PIK3R6: variants seen among roughly 807,000 people sequenced by gnomAD.
PIK3R6 encodes phosphoinositide-3-kinase regulatory subunit 6.
Under a neutral mutation model 84.9 loss-of-function variants are expected in PIK3R6, and 91 were observed. The ratio of observed to expected loss-of-function variants is 1.07; its 90% CI spans 0.90 to 1.28. PIK3R6 has a LOEUF of 1.28. Among genes scored for constraint, PIK3R6 ranks in the 50% most tolerant of loss-of-function variants. PIK3R6 has a pLI of 0.00. For synonymous variants in PIK3R6, 416 were observed against 411.4 expected, an observed-to-expected ratio of 1.01 and a Z score of -0.13; for missense variants, 996 against 985.1, an observed-to-expected ratio of 1.01 and a Z score of -0.15.
chr17:8,860,917 C>T (rs1415482953), intron 1 of PIK3R6, among the ~76,000 whole-genome samples: 4 of 24,464 alleles, frequency 1.6e-4, no homozygotes, highest in African/African-American at 5.7e-4. Context: ...AAAGCAGACA[C>T]GGGCCGGGCA....
At chr17:8,840,691 TA>T (rs1271491013) in intron 2 of PIK3R6, among the ~76,000 whole-genome samples, 3 of 148,492 alleles carry the variant, frequency 2.0e-5, no homozygotes, top group East Asian at 2.0e-4. Flanking sequence ...AATATATATA[TA>T]AAAAACTATT....
chr17:8,829,664 A>C, intron 10 of PIK3R6, 42 bp downstream of exon 10: 2 of 1,525,044 alleles, frequency 1.3e-6, no homozygotes, highest in Non-Finnish European at 1.8e-6. Flanking sequence ...ACACAGACAC[A>C]GACATATACC....
Position 8,827,264 on chromosome 17 carries a change from C to T in PIK3R6, c.1423G>A (p.Gly475Arg). 6.4e-7 allele frequency: 1 copy of T among 1,567,934 alleles called. No homozygotes were observed. Among genetic ancestry groups the T allele is most frequent in the Non-Finnish European group, 8.6e-7 (1 of 1,156,750 alleles). ...KPAASRQPEL[G>R]ELATFLGRVD... Reference sequence around the variant, plus strand: ...CGGCCCAGGAACGTAGCCAGCTCTCCCAGCTCCGGCTGCCTGGATGCTGCA... The same window carrying T: ...CGGCCCAGGAACGTAGCCAGCTCTCTCAGCTCCGGCTGCCTGGATGCTGCA... The change falls in exon 13 of 20, where the codon GGA (glycine) becomes AGA (arginine). Residue 475 changes from glycine (G) to arginine (R), a missense_variant. Transcript: ENST00000619866.
At chr17:8,865,595 A>T (rs111587853) in intron 1 of PIK3R6, among the ~76,000 whole-genome samples, 6,693 of 148,540 alleles carry the variant, frequency 0.045, 472 homozygotes, top group African/African-American at 0.15. Context: ...GGCTTGCCAG[A>T]CGTCATAGCT....
chr17:8,803,166 G>A lies in PIK3R6; in HGVS notation c.*107C>T. 6.8e-7 allele frequency: 1 copy of A among 1,469,916 alleles called. No homozygotes were observed. The highest frequency in any genetic ancestry group is 9.3e-7 in the Non-Finnish European group (1 of 1,073,640). 91.1% of individuals were successfully genotyped at this position (1,469,916 alleles called of 1,614,324 possible). A position where few individuals can be genotyped will look rare whatever the true frequency, so the allele number is the denominator to read the frequency against. ...CAGGCACTCGCTGGCTCCTGGTCAAGGCCAAAGCTGCCGTGTGGAGCCGGG... is the reference window on the plus strand; with the variant it reads ...CAGGCACTCGCTGGCTCCTGGTCAAAGCCAAAGCTGCCGTGTGGAGCCGGG... On this transcript the variant is annotated 3_prime_UTR_variant, in exon 20 of 20. Coordinates refer to ENST00000619866, the MANE Select transcript of PIK3R6 (RefSeq NM_001010855.4). The surrounding 1 kb of genome is among the most constrained non-coding windows in gnomAD (Gnocchi z 5.0).
chr17:8,827,235 T>C lies in PIK3R6; in HGVS notation c.1452A>G (p.Val484=). 1.3e-6 allele frequency: 2 copies of C among 1,598,092 alleles called. No homozygotes were observed. The highest frequency in any genetic ancestry group is 1.7e-6 in the Non-Finnish European group (2 of 1,172,576). ...LGELATFLGR[V]DPWYQSNVNT... is the part of the protein sequence containing the mutation. ...TGACGTTGCTCTGGTACCACGGGTCTACGCGGCCCAGGAACGTAGCCAGCT... is the reference window on the plus strand; with the variant it reads ...TGACGTTGCTCTGGTACCACGGGTCCACGCGGCCCAGGAACGTAGCCAGCT... The change falls in exon 13 of 20, where the codon GTA becomes GTG. Residue 484 remains valine (V), a synonymous_variant. Coordinates refer to ENST00000619866, the MANE Select transcript of PIK3R6 (RefSeq NM_001010855.4).
In PIK3R6 at chr17:8,821,105, GT is replaced by G. The variant is rs76101544; in HGVS notation, c.1879+740del. On this transcript the variant is annotated intron_variant, in intron 17 of 19. Transcript: ENST00000619866. Reference sequence around the variant, plus strand: ...TAATTCTGCCTGGGTGAACTTACTTGTTTGCTCCAAAATGATCTTCTACAAG... The same window carrying G: ...TAATTCTGCCTGGGTGAACTTACTTGTTGCTCCAAAATGATCTTCTACAAG... 2.3e-3 allele frequency among the ~76,000 whole-genome samples: 355 copies of G among 152,306 alleles called. 4 individuals carry two copies. The East Asian group carries it at 0.038, about 16-fold the overall frequency.
chr17:8,840,361 T>A (rs984382503), intron 2 of PIK3R6, among the ~76,000 whole-genome samples: 19 of 138,842 alleles, frequency 1.4e-4, no homozygotes, highest in African/African-American at 5.0e-4. Context: ...CCTCCAAATA[T>A]GTATATGAAA....
At chr17:8,804,348 C>G (rs899032452) in intron 18 of PIK3R6, among the ~76,000 whole-genome samples, 195 bp from the exon 19 acceptor site, 2 of 152,184 alleles carry the variant, frequency 1.3e-5, no homozygotes, top group Non-Finnish European at 2.9e-5. Flanking sequence ...GATCTCACAT[C>G]GTTCTTCCAG....
At chr17:8,858,351 T>C (rs1446578193) in intron 1 of PIK3R6, among the ~76,000 whole-genome samples, 1 of 149,066 alleles carries the variant, frequency 6.7e-6, no homozygotes, top group Non-Finnish European at 1.5e-5. Flanking sequence ...AGTTTTGCTC[T>C]TGTCGCCCAG....
rs1447472145 is a variant in PIK3R6 at position 8,803,357 on chromosome 17, A to G, written c.2181T>C (p.His727=). 1.2e-6 allele frequency: 2 copies of G among 1,613,570 alleles called. No homozygotes were observed. The highest frequency in any genetic ancestry group is 2.7e-5 in the African/African-American group (2 of 74,908). The stretch of plus-strand genomic sequence containing the variant: ...TGATTGCTTCCACCTCCTGTTGCCC[A>G]TGCAAATTGAGCCACGGTGCCTTGG... The part of the protein sequence containing the change: ...QKSKAPWLNL[H]GQQEVEAIKA... The change falls in exon 20 of 20, where the codon CAT becomes CAC. Residue 727 remains histidine (H), a synonymous_variant. Coordinates refer to ENST00000619866, the MANE Select transcript of PIK3R6 (RefSeq NM_001010855.4). This position sits in a 1 kb window ranked among gnomAD's most constrained non-coding sequence, Gnocchi z 5.0.
At chr17:8,856,640 G>A (rs562094104) in intron 1 of PIK3R6, among the ~76,000 whole-genome samples, 3 of 152,050 alleles carry the variant, frequency 2.0e-5, no homozygotes, top group South Asian at 2.1e-4. Flanking sequence ...TGTTGATGTC[G>A]ATACATTTTA....
At chr17:8,850,101 C>T (rs143116901) in intron 1 of PIK3R6, among the ~76,000 whole-genome samples, 1,948 of 152,084 alleles carry the variant, frequency 0.013, 44 homozygotes, top group African/African-American at 0.043. Flanking sequence ...GTCAGGAGTT[C>T]GAGACCAGCC....
intron 17 of PIK3R6, among the ~76,000 whole-genome samples, 167 bp from the exon 18 acceptor site, chr17:8,819,365 T>A (rs1722941772): frequency 6.6e-6 from 1 of 152,110 alleles, no homozygotes; most frequent in South Asian, 2.1e-4. Context: ...TTACGTTTCC[T>A]TCTCAATCAT....
chr17:8,855,171 T>C (rs368067372), intron 1 of PIK3R6, among the ~76,000 whole-genome samples: 10 of 150,390 alleles, frequency 6.6e-5, no homozygotes, highest in African/African-American at 2.2e-4. Flanking sequence ...CTAGCCTGGG[T>C]GACAGAGCGA....
At chr17:8,804,175 T>G in intron 18 of PIK3R6, 22 bp from the exon 19 acceptor site, 1 of 1,593,122 alleles carries the variant, frequency 6.3e-7, no homozygotes, top group Non-Finnish European at 8.6e-7. Context: ...AGATCGCACG[T>G]GTGAGTGTTG....
Position 8,836,787 on chromosome 17 carries a change from T to C in PIK3R6, c.391+4A>G, listed in dbSNP as rs2088481429. The C allele has an allele frequency of 1.9e-6, 3 of 1,610,594 alleles. No individual in the cohort carries two copies. The East Asian group carries it at 6.7e-5, about 36-fold the overall frequency. ...GGGAGACAAAGATGCCCAGTGACTC[T>C]TACCTGGGACAGCCATCTCCGTTTT... On this transcript the variant is annotated splice_donor_region_variant and intron_variant, in intron 6 of 19. Transcript: ENST00000619866.
rs540817596 is a variant in PIK3R6, at chr17:8,842,545, G to A, written c.14-2848C>T. Reference sequence around the variant, plus strand: ...AAATAAATCCTTGAACTTGGTGTCTGCTTCTTGGCAGATCCAGACTCAGAC... The same window carrying A: ...AAATAAATCCTTGAACTTGGTGTCTACTTCTTGGCAGATCCAGACTCAGAC... On this transcript the variant is annotated intron_variant, in intron 2 of 19. Transcript: ENST00000619866. This position sits in a 1 kb window ranked among gnomAD's most constrained non-coding sequence, Gnocchi z 4.5. 6.6e-6 allele frequency among the ~76,000 whole-genome samples: 1 copy of A among 152,260 alleles called. No individual in the cohort carries two copies. The highest frequency in any genetic ancestry group is 2.1e-4 in the South Asian group (1 of 4,824).
At chr17:8,848,520 C>T (rs1010188608) in intron 2 of PIK3R6, among the ~76,000 whole-genome samples, 2 of 151,624 alleles carry the variant, frequency 1.3e-5, no homozygotes, top group African/African-American at 4.9e-5. Context: ...TGTGACTGCA[C>T]TGAGTACTGT....
Sources: gnomAD v4.1 joint callset for allele counts (sites outside exome capture counted in the v4.1 genomes callset) on GRCh38, gnomAD v4.1.1 for gene constraint, Gnocchi (gnomAD v3.1) non-coding constraint, MANE v1.5 for transcripts, NCBI Gene and HGNC (gene_info 2026-07-23, HGNC 2026-07-21) for gene names.